Variants in PRKCA observed in about 807,000 individuals in gnomAD.
The protein encoded by PRKCA is protein kinase C alpha.
In PRKCA, 27 loss-of-function variants were observed where a neutral mutation model predicts 87.0. The observed-to-expected ratio is 0.31, with a 90% confidence interval of 0.23 to 0.43. The LOEUF (loss-of-function observed/expected upper bound fraction) is 0.43. PRKCA is among the 20% of genes least tolerant of loss of function. The pLI, the probability that PRKCA is intolerant of heterozygous loss-of-function variation, is 1.00. For synonymous variants in PRKCA, 329 were observed against 311.1 expected, an observed-to-expected ratio of 1.06 and a Z score of -0.61; for missense variants, 518 against 852.3, an observed-to-expected ratio of 0.61 and a Z score of 4.88.
intron 5 of PRKCA, among the ~76,000 whole-genome samples, chr17:66,646,951 T>C (rs1182774695): frequency 6.6e-6 from 1 of 152,234 alleles, no homozygotes; most frequent in Non-Finnish European, 1.5e-5. Context: ...TTTTATTTTC[T>C]CAAGACCATC....
intron 5 of PRKCA, among the ~76,000 whole-genome samples, chr17:66,685,779 C>T (rs1972611278): frequency 2.0e-5 from 3 of 152,218 alleles, no homozygotes; most frequent in Admixed American, 2.0e-4. Context: ...ACTCCAGTGC[C>T]TTCTTCTCAA....
At chr17:66,377,197 G>A (rs1021814651) in intron 2 of PRKCA, among the ~76,000 whole-genome samples, 1 of 151,934 alleles carries the variant, frequency 6.6e-6, no homozygotes, top group Admixed American at 6.6e-5. Context: ...AGCTAATTTT[G>A]TATTTTTAGT....
At chr17:66,450,090 C>A (rs1395980232) in intron 2 of PRKCA, among the ~76,000 whole-genome samples, 1 of 151,434 alleles carries the variant, frequency 6.6e-6, no homozygotes, top group Non-Finnish European at 1.5e-5. Flanking sequence ...TTTGGAATTA[C>A]ATTTTTATCC....
intron 14 of PRKCA, among the ~76,000 whole-genome samples, chr17:66,777,012 T>G (rs181364996): frequency 5.3e-5 from 8 of 152,362 alleles, no homozygotes; most frequent in African/African-American, 1.9e-4. Context: ...GAAATCTTAT[T>G]GGGAAGCTGC....
intron 13 of PRKCA, among the ~76,000 whole-genome samples, chr17:66,771,388 C>A (rs1253030443): frequency 6.6e-6 from 1 of 152,098 alleles, no homozygotes; most frequent in African/African-American, 2.4e-5. Context: ...ATTTATTTTG[C>A]AGAAATAGTC....
At chr17:66,461,607 G>A (rs3859215) in intron 2 of PRKCA, among the ~76,000 whole-genome samples, 10,700 of 152,202 alleles carry the variant, frequency 0.07, 1,262 homozygotes, top group African/African-American at 0.24. Context: ...GAGAGCTCGC[G>A]TGCTAGGTAG....
intron 14 of PRKCA, chr17:66,774,683 T>G: frequency 1.0e-6 from 1 of 986,560 alleles, no homozygotes; most frequent in Non-Finnish European, 1.2e-6. Flanking sequence ...ATCTTAAAAC[T>G]GGGGTTGGGT....
At chr17:66,781,746 A>C (rs538638122) in intron 14 of PRKCA, among the ~76,000 whole-genome samples, 2 of 151,958 alleles carry the variant, frequency 1.3e-5, no homozygotes, top group African/African-American at 4.8e-5. Flanking sequence ...TGGGAAGATG[A>C]AAAAGTTCTG....
chr17:66,512,746 G>A (rs1445854316), intron 3 of PRKCA, among the ~76,000 whole-genome samples: 1 of 152,110 alleles, frequency 6.6e-6, no homozygotes, highest in Middle Eastern at 3.2e-3. Context: ...AGGCTGGAGT[G>A]CAGTGTCATG....
chr17:66,689,166 A>G lies in PRKCA; in HGVS notation c.918+119A>G, dbSNP rs1327982617. 1 of 597,702 alleles carries G rather than the reference A, an allele frequency of 1.7e-6. No individual in the cohort carries two copies. The highest frequency in any genetic ancestry group is 2.9e-6 in the Non-Finnish European group (1 of 346,778). 37.0% of individuals were successfully genotyped at this position (597,702 alleles called of 1,614,324 possible). On this transcript the variant is annotated intron_variant, in intron 8 of 16. Coordinates refer to ENST00000413366, the MANE Select transcript of PRKCA (RefSeq NM_002737.3). This position sits in a 1 kb window ranked among gnomAD's most constrained non-coding sequence, Gnocchi z 4.1. Reference sequence around the variant, plus strand: ...AAAAAAAGTAATCTCAATGTTAATGATCTTTTTCTTTATTTAAAAACATGA... The same window carrying G: ...AAAAAAAGTAATCTCAATGTTAATGGTCTTTTTCTTTATTTAAAAACATGA...
At chr17:66,726,536 C>T (rs901861892) in intron 8 of PRKCA, among the ~76,000 whole-genome samples, 4 of 152,160 alleles carry the variant, frequency 2.6e-5, no homozygotes, top group East Asian at 3.9e-4. Context: ...GAGGGAAGGG[C>T]GGAGCTGGCG....
At chr17:66,346,494 T>G (rs1348205307) in intron 2 of PRKCA, among the ~76,000 whole-genome samples, 3 of 152,094 alleles carry the variant, frequency 2.0e-5, no homozygotes, top group African/African-American at 4.8e-5. Context: ...AGCTTCTTGC[T>G]TCAGCCTCCC....
At chr17:66,603,864 T>A (rs1450406715) in intron 3 of PRKCA, among the ~76,000 whole-genome samples, 1 of 152,232 alleles carries the variant, frequency 6.6e-6, no homozygotes, top group Non-Finnish European at 1.5e-5. Context: ...TCATTCAGTA[T>A]TTGTCATTTT....
chr17:66,559,777 T>C (rs544887893), intron 3 of PRKCA, among the ~76,000 whole-genome samples: 36 of 152,298 alleles, frequency 2.4e-4, no homozygotes, highest in African/African-American at 8.2e-4. Context: ...AAAAGTGGAA[T>C]CTGAATGTTA....
At chr17:66,419,640 A>G (rs1381068791) in intron 2 of PRKCA, among the ~76,000 whole-genome samples, 1 of 151,878 alleles carries the variant, frequency 6.6e-6, no homozygotes, top group East Asian at 1.9e-4. Flanking sequence ...GATGTGAATT[A>G]TATGTGAATT....
chr17:66,718,526 T>G (rs770845652), intron 8 of PRKCA, among the ~76,000 whole-genome samples: 1 of 152,182 alleles, frequency 6.6e-6, no homozygotes, highest in African/African-American at 2.4e-5. Flanking sequence ...CTGTGTTGAC[T>G]AGGCTGTTCT....
chr17:66,798,480 T>TGAC (rs1568041034), intron 16 of PRKCA, among the ~76,000 whole-genome samples: 1 of 52,102 alleles, frequency 1.9e-5, no homozygotes, highest in Non-Finnish European at 3.7e-5. Context: ...GTGGTGGTGG[T>TGAC]GGTGGTGACG....
At chr17:66,428,530 A>G (rs1174801812) in intron 2 of PRKCA, among the ~76,000 whole-genome samples, 1 of 150,726 alleles carries the variant, frequency 6.6e-6, no homozygotes, top group African/African-American at 2.4e-5. Context: ...TTGAGATAGA[A>G]TCTCGCTCTG....
At chr17:66,565,966 T>C (rs1363891802) in intron 3 of PRKCA, among the ~76,000 whole-genome samples, 2 of 152,130 alleles carry the variant, frequency 1.3e-5, no homozygotes, top group Admixed American at 1.3e-4. Flanking sequence ...CCTGGCCTAT[T>C]AGAATTAAGG....
Sources: gnomAD v4.1 joint callset for allele counts (sites outside exome capture counted in the v4.1 genomes callset) on GRCh38, gnomAD v4.1.1 for gene constraint, Gnocchi (gnomAD v3.1) non-coding constraint, MANE v1.5 for transcripts, NCBI Gene and HGNC (gene_info 2026-07-23, HGNC 2026-07-21) for gene names.